The following CENPN variants were observed in gnomAD, a reference collection of about 807,000 sequenced individuals.
CENPN encodes the protein centromere protein N.
A neutral mutation model predicts 48.6 loss-of-function variants in CENPN; 36 were observed. That is an observed-to-expected ratio of 0.74 (90% CI 0.57 to 0.98). CENPN has a LOEUF of 0.98. Ranked by LOEUF, CENPN falls within the 50% of genes least tolerant of loss-of-function variation. CENPN has a pLI of 0.00. For missense variants in CENPN, 439 were observed against 399.2 expected, an observed-to-expected ratio of 1.10 and a Z score of -0.85; for synonymous variants, 166 against 135.2, an observed-to-expected ratio of 1.23 and a Z score of -1.58.
chr16:81,011,949 A>T lies in CENPN; in HGVS notation c.10A>T (p.Thr4Ser). Residue 4 changes from threonine (T) to serine (S), a missense_variant, in exon 2 of 11, where the codon ACT becomes TCT. Thr to Ser is a moderately conservative substitution (Grantham distance 58). Transcript: ENST00000305850. ...TAAAAGTGCCAAAGAGATGGATGAG[A>T]CTGTTGCTGAGTTCATCAAGAGGAC... MDE[T>S]VAEFIKRTIL... is the part of the protein sequence containing the mutation. The T allele has an allele frequency of 6.2e-7, 1 of 1,613,846 alleles. No homozygotes were observed. Among genetic ancestry groups the T allele is most frequent in the Non-Finnish European group, 8.5e-7 (1 of 1,179,740 alleles).
At chr16:81,022,039 G>A (rs1244757612) in intron 6 of CENPN, among the ~76,000 whole-genome samples, 3 of 152,150 alleles carry the variant, frequency 2.0e-5, no homozygotes, top group South Asian at 2.1e-4. Context: ...GATTACAGCC[G>A]TGAGCCACTG....
chr16:81,014,372 C>G (rs1486656808), intron 3 of CENPN, 191 bp downstream of exon 3: 2 of 583,608 alleles, frequency 3.4e-6, no homozygotes, highest in African/African-American at 1.9e-5. Context: ...GTAGCTGGGA[C>G]TATAGCAGTG....
chr16:81,018,672 G>A (rs1025325190), intron 5 of CENPN, among the ~76,000 whole-genome samples: 3 of 152,166 alleles, frequency 2.0e-5, no homozygotes, highest in Non-Finnish European at 4.4e-5. Flanking sequence ...CTGAGCATGT[G>A]ACTGGGTCCA....
intron 6 of CENPN, chr16:81,022,300 T>A (rs1970252653): frequency 3.1e-6 from 1 of 320,082 alleles, no homozygotes; most frequent in Non-Finnish European, 5.9e-6. Context: ...AACAGTAACA[T>A]TTTGAGTATT....
chr16:81,017,083 C>T (rs1294313218), intron 3 of CENPN: 2 of 355,674 alleles, frequency 5.6e-6, no homozygotes, highest in Non-Finnish European at 5.1e-6. Flanking sequence ...AATGGGCTAA[C>T]ATAGAATAAA....
intron 2 of CENPN, among the ~76,000 whole-genome samples, chr16:81,012,366 T>C (rs974722082): frequency 6.6e-6 from 1 of 152,192 alleles, no homozygotes; most frequent in Middle Eastern, 3.2e-3. Flanking sequence ...TAACGAGCAG[T>C]ATTTTTCGCA....
intron 8 of CENPN, among the ~76,000 whole-genome samples, 171 bp from the exon 9 acceptor site, chr16:81,026,355 C>G (rs1176902255): frequency 6.6e-6 from 1 of 151,204 alleles, no homozygotes; most frequent in African/African-American, 2.4e-5. Context: ...CTGTACTTCA[C>G]TACCCTAAGA....
intron 1 of CENPN, among the ~76,000 whole-genome samples, chr16:81,009,572 C>G (rs1377491059): frequency 1.3e-5 from 2 of 152,174 alleles, no homozygotes; most frequent in Admixed American, 6.5e-5. Flanking sequence ...TTCCTACGAC[C>G]TTAATTCAGT....
intron 1 of CENPN, among the ~76,000 whole-genome samples, chr16:81,008,499 G>A (rs1436442675): frequency 6.6e-6 from 1 of 152,120 alleles, no homozygotes; most frequent in Non-Finnish European, 1.5e-5. Flanking sequence ...AGCCTCCCGA[G>A]TAGCTGGGAC....
At position 81,028,233 on chromosome 16, in the gene CENPN, C is replaced by G; in HGVS notation, c.873C>G (p.Leu291=). Residue 291 remains leucine (L), a synonymous_variant, in exon 10 of 11, where the codon CTC becomes CTG. Transcript: ENST00000305850. The part of the protein sequence containing the change: ...GSILAEREEP[L]RCLIKFSSPH... The stretch of plus-strand genomic sequence containing the variant: ...TCTTGGCTGAGAGGGAAGAACCCCT[C>G]CGATGCCTAATAAAGTTCTCTAGCC... 5 of 1,613,582 alleles carry G rather than the reference C, an allele frequency of 3.1e-6. No individual in the cohort carries two copies. The highest frequency in any genetic ancestry group is 4.2e-6 in the Non-Finnish European group (5 of 1,179,480).
chr16:81,014,186 G>C lies in CENPN; in HGVS notation c.217+5G>C. 6.2e-7 allele frequency: 1 copy of C among 1,611,774 alleles called. No homozygotes were observed. The highest frequency in any genetic ancestry group is 8.5e-7 in the Non-Finnish European group (1 of 1,178,062). ...CTGCCCTGTTAGACATCATTTGTAA[G>C]TGTCAGTGATTTGTATTTATACTTA... On this transcript the variant is annotated splice_donor_5th_base_variant and intron_variant, in intron 3 of 10. Transcript: ENST00000305850.
chr16:81,025,173 A>G (rs907165120), intron 8 of CENPN, among the ~76,000 whole-genome samples: 1 of 152,172 alleles, frequency 6.6e-6, no homozygotes, highest in African/African-American at 2.4e-5. Context: ...TCACACAGCT[A>G]AGGAGTGGCA....
rs767061328 is a variant in CENPN, at chr16:81,022,579, G to T, written c.532-18G>T. On this transcript the variant is annotated intron_variant, in intron 6 of 10. Coordinates refer to ENST00000305850, the MANE Select transcript of CENPN (RefSeq NM_001100624.3). ...AGGCAGTAATCCTAGTAATAGTCTTGCAAATTTTCATTTCAAGGCGCTGAC... is the reference window on the plus strand; with the variant it reads ...AGGCAGTAATCCTAGTAATAGTCTTTCAAATTTTCATTTCAAGGCGCTGAC... 1 of 1,607,860 alleles carries T rather than the reference G, an allele frequency of 6.2e-7. No individual in the cohort carries two copies. Among genetic ancestry groups the T allele is most frequent in the South Asian group, 1.1e-5 (1 of 90,902 alleles).
chr16:81,021,755 T>C (rs1458191872), intron 6 of CENPN, among the ~76,000 whole-genome samples: 2 of 150,772 alleles, frequency 1.3e-5, no homozygotes, highest in African/African-American at 2.5e-5. Flanking sequence ...CAAAGGCTAA[T>C]GTTCTTTTTT....
intron 1 of CENPN, among the ~76,000 whole-genome samples, chr16:81,009,616 C>T (rs1969657804): frequency 6.6e-6 from 1 of 152,222 alleles, no homozygotes; most frequent in Non-Finnish European, 1.5e-5. Flanking sequence ...CCTAATCCTT[C>T]CTCTTTATCT....
At chr16:81,022,471 C>A in intron 6 of CENPN, 126 bp from the exon 7 acceptor site, 1 of 777,310 alleles carries the variant, frequency 1.3e-6, no homozygotes, top group Non-Finnish European at 2.1e-6. Flanking sequence ...AGATGTTTTT[C>A]TAGACTTCTT....
intron 1 of CENPN, among the ~76,000 whole-genome samples, chr16:81,007,888 C>A (rs976798956): frequency 1.3e-5 from 2 of 152,126 alleles, no homozygotes; most frequent in Admixed American, 6.5e-5. Context: ...GGGCGGATCA[C>A]CTTAGGTCAG....
chr16:81,028,682 CCTT>C lies in CENPN; in HGVS notation c.*35_*37del, dbSNP rs747794371. 157 of 1,597,212 alleles carry C rather than the reference CCTT, an allele frequency of 9.8e-5. 1 individual carries two copies. The Middle Eastern group carries it at 1.0e-3, about 10-fold the overall frequency. On this transcript the variant is annotated 3_prime_UTR_variant, in exon 11 of 11. Transcript: ENST00000305850. ...GCGTGGTTTCTTAAGCACAGCTCCT[CCTT>C]CTTGATATTGCACATGCACTTCAGT... is the stretch of plus-strand genomic sequence containing the variant.
intron 1 of CENPN, among the ~76,000 whole-genome samples, chr16:81,007,993 G>C (rs1969530593): frequency 6.6e-6 from 1 of 152,068 alleles, no homozygotes; most frequent in African/African-American, 2.4e-5. Context: ...TGTAATCCCA[G>C]CTATTTGGGA....
Sources: allele counts gnomAD v4.1 joint callset (sites outside exome capture counted in the v4.1 genomes callset), GRCh38; gene constraint gnomAD v4.1.1; transcripts MANE v1.5; gene names NCBI Gene and HGNC (gene_info 2026-07-23, HGNC 2026-07-21).